The following MINDY2 variants were observed in gnomAD, a reference collection of about 807,000 sequenced individuals.
MINDY2 encodes the protein ubiquitin carboxyl-terminal hydrolase MINDY-2.
MINDY2 carries 52 observed loss-of-function variants against 68.2 expected under a neutral mutation model. That is an observed-to-expected ratio of 0.76 (90% confidence interval 0.61 to 0.96). MINDY2 has a LOEUF of 0.96. MINDY2 is among the 40% of genes least tolerant of loss of function. The pLI is 0.00. For missense variants in MINDY2, 881 were observed against 773.4 expected (o/e 1.14, Z -1.65); for synonymous variants, 372 against 303.0 (o/e 1.23, Z -2.36).
chr15:58,780,138 G>C (rs988318482), intron 1 of MINDY2, among the ~76,000 whole-genome samples: 2 of 151,918 alleles, frequency 1.3e-5, no homozygotes, highest in Non-Finnish European at 2.9e-5. Flanking sequence ...GGTGTGGTTG[G>C]CTCACACTGT....
intron 4 of MINDY2, among the ~76,000 whole-genome samples, chr15:58,811,785 G>A (rs554728185): frequency 5.3e-5 from 8 of 152,204 alleles, no homozygotes; most frequent in East Asian, 3.9e-4. Flanking sequence ...TTAGTCTCCC[G>A]AATAGAGAAG....
Position 58,844,954 on chromosome 15 carries a change from A to G in MINDY2, c.1369-2343A>G, listed in dbSNP as rs1047466774. On this transcript the variant is annotated intron_variant, in intron 6 of 8. Transcript: ENST00000559228. Reference sequence around the variant, plus strand: ...AAAAAAAAAAAAAAATGAAAGGACAACCCACAAAATGGGAGAAAACATTTG... The same window carrying G: ...AAAAAAAAAAAAAAATGAAAGGACAGCCCACAAAATGGGAGAAAACATTTG... Among the ~76,000 whole-genome samples, 4 of 150,186 alleles carry G rather than the reference A, an allele frequency of 2.7e-5. No homozygotes were observed. The East Asian group carries it at 7.8e-4, about 29-fold the overall frequency.
intron 5 of MINDY2, among the ~76,000 whole-genome samples, chr15:58,829,683 A>G (rs1169111019): frequency 6.6e-6 from 1 of 152,226 alleles, no homozygotes; most frequent in Non-Finnish European, 1.5e-5. Context: ...TACAGACGGC[A>G]GTGGTACTTT....
intron 4 of MINDY2, 142 bp downstream of exon 4, chr15:58,810,530 A>G (rs2030163579): frequency 6.8e-6 from 5 of 738,158 alleles, no homozygotes; most frequent in Non-Finnish European, 1.0e-5. Context: ...GGTTAAGAAC[A>G]GAGTCCTCCA....
chr15:58,775,979 C>T (rs1227064066), intron 1 of MINDY2, among the ~76,000 whole-genome samples: 1 of 151,566 alleles, frequency 6.6e-6, no homozygotes, highest in Non-Finnish European at 1.5e-5. Flanking sequence ...TCTCCTGTCT[C>T]AGCCTCTCGA....
Position 58,860,210 on chromosome 15 carries a change from CAAAAT to C in MINDY2, c.*5601_*5605del, listed in dbSNP as rs777449590. 1 of 152,126 alleles carries C rather than the reference CAAAAT, an allele frequency of 6.6e-6. No homozygotes were observed. The highest frequency in any genetic ancestry group is 1.5e-5 in the Non-Finnish European group (1 of 68,020). 9.4% of individuals were successfully genotyped at this position (152,126 alleles called of 1,614,324 possible). ...CCTCATAAATTAGAGAAGGACAAAACAAAATGTTTTGGAAGGTGATCCTGGCTCCT... is the reference window on the plus strand; with the variant it reads ...CCTCATAAATTAGAGAAGGACAAAACGTTTTGGAAGGTGATCCTGGCTCCT... On this transcript the variant is annotated 3_prime_UTR_variant, in exon 9 of 9. Coordinates refer to ENST00000559228, the MANE Select transcript of MINDY2 (RefSeq NM_001040450.3).
intron 3 of MINDY2, among the ~76,000 whole-genome samples, chr15:58,809,489 A>G (rs1206124680): frequency 1.3e-5 from 2 of 152,180 alleles, no homozygotes; most frequent in Non-Finnish European, 2.9e-5. Context: ...GTAACTAAGA[A>G]TAGATAAAGA....
Position 58,857,486 on chromosome 15 carries a change from A to G in MINDY2, c.*2876A>G, listed in dbSNP as rs1190690150. ...GAGGCAGTGATTGCAGTGAGCTGAG[A>G]TAGCACCACTGCATGCAAGCCTGGG... On this transcript the variant is annotated 3_prime_UTR_variant, in exon 9 of 9. Transcript: ENST00000559228. 1 of 145,668 alleles carries G rather than the reference A, an allele frequency of 6.9e-6. No individual in the cohort carries two copies. Among genetic ancestry groups the G allele is most frequent in the Non-Finnish European group, 1.5e-5 (1 of 66,842 alleles). The allele number at this position is 145,668 out of a possible 1,614,324, so 9.0% of individuals were successfully genotyped here.
chr15:58,801,583 TA>T (rs1375802365), intron 2 of MINDY2, among the ~76,000 whole-genome samples: 1 of 152,026 alleles, frequency 6.6e-6, no homozygotes, highest in East Asian at 1.9e-4. Flanking sequence ...TACATATATT[TA>T]AAAGGTGATA....
intron 4 of MINDY2, among the ~76,000 whole-genome samples, chr15:58,816,704 G>A (rs1277215347): frequency 1.3e-5 from 2 of 152,194 alleles, no homozygotes; most frequent in African/African-American, 4.8e-5. Flanking sequence ...TTAAACAAAA[G>A]GTTCTAAGAC....
chr15:58,771,773 C>G lies in MINDY2; in HGVS notation c.378C>G (p.Ala126=), dbSNP rs763187587. The change falls in exon 1 of 9, where the codon GCC becomes GCG. Residue 126 remains alanine, a synonymous_variant. Coordinates refer to ENST00000559228, the MANE Select transcript of MINDY2 (RefSeq NM_001040450.3). ...GAGTGGGTCATGAGTTGGGTACCGC[C>G]GGAGACGCGGGAGCCCGCCCGGATC... The part of the protein sequence containing the change: ...VAGVGHELGT[A]GDAGARPDLA... 31 of 1,610,644 alleles carry G rather than the reference C, an allele frequency of 1.9e-5. No homozygotes were observed. The African/African-American group carries it at 2.7e-4, about 14-fold the overall frequency.
chr15:58,833,964 AAT>A (rs2031871568), intron 6 of MINDY2, among the ~76,000 whole-genome samples: 2 of 152,152 alleles, frequency 1.3e-5, no homozygotes, highest in Non-Finnish European at 2.9e-5. Context: ...AACTTTGGAC[AAT>A]ACCTGGCTTT....
intron 3 of MINDY2, among the ~76,000 whole-genome samples, chr15:58,806,300 C>T (rs1903004365): frequency 6.6e-6 from 1 of 151,480 alleles, no homozygotes; most frequent in Non-Finnish European, 1.5e-5. Context: ...TCTCGAACTC[C>T]TGGCCTCAAG....
intron 1 of MINDY2, among the ~76,000 whole-genome samples, chr15:58,774,252 G>T (rs1900631667): frequency 6.6e-6 from 1 of 152,170 alleles, no homozygotes; most frequent in African/African-American, 2.4e-5. Flanking sequence ...GGAGGCCGAG[G>T]CGGGTGGATC....
chr15:58,851,971 A>T lies in MINDY2; in HGVS notation c.1737+6A>T. ...CTGCTTCTACACAGGCTCAGGTAAAAACTAGTGTTTTGAGTCTTAAATGTG... is the reference window on the plus strand; with the variant it reads ...CTGCTTCTACACAGGCTCAGGTAAATACTAGTGTTTTGAGTCTTAAATGTG... On this transcript the variant is annotated splice_donor_region_variant and intron_variant, in intron 8 of 8. Transcript: ENST00000559228. 1 of 1,571,884 alleles carries T rather than the reference A, an allele frequency of 6.4e-7. No homozygotes were observed.
At position 58,802,308 on chromosome 15, in the gene MINDY2, T is replaced by A. The variant is rs769503123; in HGVS notation, c.899-5T>A. 2 of 1,558,276 alleles carry A rather than the reference T, an allele frequency of 1.3e-6. No individual in the cohort carries two copies. The highest frequency in any genetic ancestry group is 1.7e-6 in the Non-Finnish European group (2 of 1,152,500). Reference sequence around the variant, plus strand: ...AATTTTACAATTCTTTTTTTTTTTTTACAGGAGATTACATGCTTGATGCAA... The same window carrying A: ...AATTTTACAATTCTTTTTTTTTTTTAACAGGAGATTACATGCTTGATGCAA... On this transcript the variant is annotated splice_region_variant and splice_polypyrimidine_tract_variant and intron_variant, in intron 2 of 8. Coordinates refer to ENST00000559228, the MANE Select transcript of MINDY2 (RefSeq NM_001040450.3).
intron 7 of MINDY2, among the ~76,000 whole-genome samples, 170 bp from the exon 8 acceptor site, chr15:58,851,601 G>A (rs2032816179): frequency 6.6e-6 from 1 of 151,946 alleles, no homozygotes; most frequent in Non-Finnish European, 1.5e-5. Context: ...ACCACACCTG[G>A]CTGGTTTTTA....
chr15:58,811,784 C>T (rs540893096), intron 4 of MINDY2, among the ~76,000 whole-genome samples: 10 of 151,996 alleles, frequency 6.6e-5, no homozygotes, highest in East Asian at 3.9e-4. Context: ...GTTAGTCTCC[C>T]GAATAGAGAA....
At chr15:58,840,394 T>C (rs1200057226) in intron 6 of MINDY2, among the ~76,000 whole-genome samples, 1 of 152,124 alleles carries the variant, frequency 6.6e-6, no homozygotes, top group East Asian at 1.9e-4. Flanking sequence ...CTGTGTTTCT[T>C]TCATTATTAG....
Sources: allele counts gnomAD v4.1 joint callset (sites outside exome capture counted in the v4.1 genomes callset), GRCh38; gene constraint gnomAD v4.1.1; transcripts MANE v1.5; gene names NCBI Gene and HGNC (gene_info 2026-07-23, HGNC 2026-07-21).